Variants in MTR observed in about 807,000 individuals in gnomAD.
MTR encodes the protein methionine synthase.
In MTR, 84 loss-of-function variants were observed where a neutral mutation model predicts 154.8. The ratio of observed to expected loss-of-function variants is 0.54; its 90% CI spans 0.45 to 0.65. MTR has a LOEUF of 0.65. MTR is among the 30% of genes least tolerant of loss of function. The pLI, the probability that MTR is intolerant of heterozygous loss-of-function variation, is 0.00. For synonymous variants in MTR, 554 were observed against 553.9 expected, an observed-to-expected ratio of 1.00 and a Z score of 0.00; for missense variants, 1,275 against 1,570.2, an observed-to-expected ratio of 0.81 and a Z score of 3.18.
chr1:236,884,605 G>A (rs1347779577), intron 25 of MTR, among the ~76,000 whole-genome samples: 12 of 152,156 alleles, frequency 7.9e-5, no homozygotes, highest in East Asian at 1.9e-4. Context: ...TATTTCTTCC[G>A]CTGATGATAT....
chr1:236,895,585 T>G (rs1362578479), intron 31 of MTR, 35 bp downstream of exon 31: 1 of 1,549,068 alleles, frequency 6.5e-7, no homozygotes, highest in Admixed American at 2.0e-5. Context: ...CCTGTCTTCC[T>G]TCTTCAGTAG....
intron 9 of MTR, among the ~76,000 whole-genome samples, chr1:236,824,859 TAAA>T (rs1662187071): frequency 6.6e-6 from 1 of 152,158 alleles, no homozygotes; most frequent in Non-Finnish European, 1.5e-5. Context: ...AGATAATAAA[TAAA>T]ACAAGAAACT....
intron 1 of MTR, among the ~76,000 whole-genome samples, chr1:236,800,988 TAGCTTA>T (rs1324932146): frequency 6.6e-6 from 1 of 152,206 alleles, no homozygotes; most frequent in Admixed American, 6.5e-5. Flanking sequence ...CTGCTACTAT[TAGCTTA>T]AGCCTATCAA....
chr1:236,872,728 C>G (rs1056414764), intron 22 of MTR, among the ~76,000 whole-genome samples: 4 of 152,138 alleles, frequency 2.6e-5, no homozygotes, highest in Non-Finnish European at 5.9e-5. Context: ...CACTGTGGCT[C>G]AAGCCTATAA....
rs112847502 is a variant in MTR, at chr1:236,893,365, C to G, written c.3205-992C>G. Among the ~76,000 whole-genome samples, 1,478 of 152,256 alleles carry G rather than the reference C, an allele frequency of 9.7e-3. 15 individuals are homozygous for G. The highest frequency in any genetic ancestry group is 0.032 in the African/African-American group (1,326 of 41,536). On this transcript the variant is annotated intron_variant, in intron 29 of 32. Transcript: ENST00000366577. ...ACGAGCTGTGAAGTGTGTGGGTTGG[C>G]CACTCATTGATTAATTGATCAGTCC...
intron 30 of MTR, 40 bp from the exon 31 acceptor site, chr1:236,895,318 C>A: frequency 1.7e-5 from 26 of 1,562,446 alleles, no homozygotes; most frequent in Non-Finnish European, 2.3e-5. Context: ...CTGTGAGCCC[C>A]TGCGTCTGCC....
At chr1:236,819,079 C>T (rs1472127750) in intron 8 of MTR, among the ~76,000 whole-genome samples, 1 of 152,108 alleles carries the variant, frequency 6.6e-6, no homozygotes, top group Non-Finnish European at 1.5e-5. Context: ...GTGTGGTACA[C>T]CTATTACAAT....
rs114873234 is a variant in MTR, at chr1:236,880,597, C to T, written c.2595-158C>T. On this transcript the variant is annotated intron_variant, in intron 24 of 32. Transcript: ENST00000366577. ...TAGGGAAAAAGTCATTCATGTTTTA[C>T]GAGGGAAATTTGAAGTTCAGTATTT... Among the ~76,000 whole-genome samples the T allele has an allele frequency of 2.5e-3, 384 of 152,174 alleles. 4 individuals are homozygous for T. Among genetic ancestry groups the T allele is most frequent in the African/African-American group, 8.2e-3 (342 of 41,514 alleles).
intron 14 of MTR, among the ~76,000 whole-genome samples, chr1:236,837,295 C>T (rs538893257): frequency 3.9e-5 from 6 of 152,222 alleles, no homozygotes; most frequent in Admixed American, 6.5e-5. Context: ...CGTTTGGTGG[C>T]GTGGCTTAGG....
intron 12 of MTR, among the ~76,000 whole-genome samples, chr1:236,831,343 T>C (rs1394802675): frequency 6.6e-6 from 1 of 152,206 alleles, no homozygotes; most frequent in Non-Finnish European, 1.5e-5. Flanking sequence ...TGTTATTATG[T>C]TGGTGGATAA....
chr1:236,842,807 C>T (rs1386541926), intron 15 of MTR, among the ~76,000 whole-genome samples: 1 of 122,362 alleles, frequency 8.2e-6, no homozygotes, highest in African/African-American at 2.8e-5. Flanking sequence ...TATAATTGGC[C>T]AGGTGCAGTG....
Position 236,900,096 on chromosome 1 carries a change from G to T in MTR, c.*2452G>T. 1 of 317,358 alleles carries T rather than the reference G, an allele frequency of 3.2e-6. No homozygotes were observed. The highest frequency in any genetic ancestry group is 6.3e-6 in the Non-Finnish European group (1 of 157,764). The allele number at this position is 317,358 out of a possible 1,614,324, so 19.7% of individuals were successfully genotyped here. On this transcript the variant is annotated 3_prime_UTR_variant, in exon 33 of 33. Coordinates refer to ENST00000366577, the MANE Select transcript of MTR (RefSeq NM_000254.3). ...AGCAAACTCTTGCATGTGGCCACTA[G>T]GAGGAATGTGTAAGAATGTTCATAG...
At chr1:236,874,922 T>C in intron 24 of MTR, 76 bp downstream of exon 24, 1 of 1,527,876 alleles carries the variant, frequency 6.5e-7, no homozygotes, top group African/African-American at 1.4e-5. Flanking sequence ...GGGAAACCTG[T>C]GTTGTTTTGG....
At chr1:236,897,310 G>GCGCGCACGCACACACA in intron 32 of MTR, among the ~76,000 whole-genome samples, 192 bp downstream of exon 32, 17 of 128,614 alleles carry the variant, frequency 1.3e-4, no homozygotes, top group Admixed American at 2.3e-4. Flanking sequence ...CCACACACAC[G>GCGCGCACGCACACACA]CACACACACA....
At chr1:236,873,549 G>A (rs559842234) in intron 22 of MTR, among the ~76,000 whole-genome samples, 2 of 152,256 alleles carry the variant, frequency 1.3e-5, no homozygotes, top group African/African-American at 2.4e-5. Context: ...AATGATGGTC[G>A]GTAAAGCTGC....
intron 31 of MTR, among the ~76,000 whole-genome samples, chr1:236,895,858 T>G (rs1418845243): frequency 7.9e-5 from 12 of 152,224 alleles, no homozygotes; most frequent in Non-Finnish European, 1.6e-4. Flanking sequence ...ACAGGCATGG[T>G]GATGTCTTTA....
chr1:236,860,281 G>A (rs181468834), intron 19 of MTR, among the ~76,000 whole-genome samples: 15 of 152,250 alleles, frequency 9.9e-5, no homozygotes, highest in African/African-American at 3.6e-4. Context: ...CCTGGACCAA[G>A]TTGCTGGTCA....
At chr1:236,858,931 T>TA (rs1191660521) in intron 18 of MTR, among the ~76,000 whole-genome samples, 1 of 152,242 alleles carries the variant, frequency 6.6e-6, no homozygotes. Flanking sequence ...CACCTTAGCT[T>TA]ACGATAACCA....
At chr1:236,895,261 A>G (rs1330320974) in intron 30 of MTR, 97 bp from the exon 31 acceptor site, 6 of 1,309,704 alleles carry the variant, frequency 4.6e-6, no homozygotes, top group Non-Finnish European at 6.5e-6. Context: ...CAGATGAGGG[A>G]GGGTGTCCTC....
Sources: gnomAD v4.1 joint callset for allele counts (sites outside exome capture counted in the v4.1 genomes callset) on GRCh38, gnomAD v4.1.1 for gene constraint, MANE v1.5 for transcripts, NCBI Gene and HGNC (gene_info 2026-07-23, HGNC 2026-07-21) for gene names.